Variants in GLT1D1 observed in about 807,000 individuals in gnomAD.
GLT1D1 encodes the protein glycosyltransferase 1 domain-containing protein 1.
A neutral mutation model predicts 28.7 loss-of-function variants in GLT1D1; 21 were observed. The ratio of observed to expected loss-of-function variants is 0.73; its 90% CI spans 0.52 to 1.05. GLT1D1 has a LOEUF of 1.05. GLT1D1 is among the 50% of genes least tolerant of loss of function. GLT1D1 has a pLI of 0.00. For synonymous variants in GLT1D1, 147 were observed against 124.8 expected (o/e 1.18, Z -1.19); for missense variants, 343 against 330.6 (o/e 1.04, Z -0.29).
At chr12:128,941,638 T>C (rs919381945) in intron 4 of GLT1D1, among the ~76,000 whole-genome samples, 1 of 143,066 alleles carries the variant, frequency 7.0e-6, no homozygotes, top group Admixed American at 7.1e-5. Flanking sequence ...AATGCGGTCA[T>C]CTCGGCTCAC....
chr12:128,946,498 C>T (rs1045642685), intron 5 of GLT1D1, among the ~76,000 whole-genome samples: 6 of 151,904 alleles, frequency 3.9e-5, no homozygotes, highest in African/African-American at 7.3e-5. Flanking sequence ...AGGCACCCGC[C>T]GCTGCGCCCG....
chr12:128,869,326 C>T (rs1469649825), intron 1 of GLT1D1, among the ~76,000 whole-genome samples: 3 of 152,104 alleles, frequency 2.0e-5, no homozygotes, highest in South Asian at 4.1e-4. Flanking sequence ...TGAACCACCA[C>T]GCCTGGCTAC....
At position 128,866,765 on chromosome 12, in the gene GLT1D1, C is replaced by T. The variant is rs538971610; in HGVS notation, c.69-9149C>T. Among the ~76,000 whole-genome samples the T allele has an allele frequency of 2.6e-5, 4 of 152,174 alleles. No homozygotes were observed. The South Asian group carries it at 6.2e-4, about 24-fold the overall frequency. On this transcript the variant is annotated intron_variant, in intron 1 of 7. Coordinates refer to ENST00000281703, the MANE Select transcript of GLT1D1 (RefSeq NM_144669.3). ...CCTCCTGTGTAGCAGAAATTACAGG[C>T]GTGCGCCACCACACCTGGCTAATTC...
chr12:128,980,947 A>C (rs1254796761), intron 7 of GLT1D1, among the ~76,000 whole-genome samples: 7 of 152,212 alleles, frequency 4.6e-5, no homozygotes, highest in African/African-American at 1.7e-4. Flanking sequence ...GCTGGTAAGC[A>C]CACGACAGTC....
At position 128,968,152 on chromosome 12, in the gene GLT1D1, C is replaced by A. The variant is rs146418393; in HGVS notation, c.639+10509C>A. ...CTAGGACTGCAGGCGCCTGCCACCACACCTGGCTAATTTTTTGTATTTTCA... is the reference window on the plus strand; with the variant it reads ...CTAGGACTGCAGGCGCCTGCCACCAAACCTGGCTAATTTTTTGTATTTTCA... On this transcript the variant is annotated intron_variant, in intron 7 of 7. Transcript: ENST00000281703. Among the ~76,000 whole-genome samples, 485 of 152,110 alleles carry A rather than the reference C, an allele frequency of 3.2e-3. 2 individuals are homozygous for A. The highest frequency in any genetic ancestry group is 0.011 in the African/African-American group (469 of 41,522).
chr12:128,946,821 G>A (rs1876165813), intron 5 of GLT1D1, among the ~76,000 whole-genome samples: 1 of 151,162 alleles, frequency 6.6e-6, no homozygotes, highest in Non-Finnish European at 1.5e-5. Flanking sequence ...GCTAATATTT[G>A]TATTTTTAGT....
chr12:128,932,352 C>A (rs752366564), intron 4 of GLT1D1, among the ~76,000 whole-genome samples: 7 of 152,176 alleles, frequency 4.6e-5, no homozygotes, highest in Non-Finnish European at 7.3e-5. Context: ...TCTGGAGCTG[C>A]ACGTCCAGCC....
At position 128,945,326 on chromosome 12, in the gene GLT1D1, G is replaced by A. The variant is rs200624626; in HGVS notation, c.376G>A (p.Val126Ile). Reference sequence around the variant, plus strand: ...GACATTTATCTTTGTCTCTTTTCAGGTCGATCCAGTGTTTACAAGGGAAGT... The same window carrying A: ...GACATTTATCTTTGTCTCTTTTCAGATCGATCCAGTGTTTACAAGGGAAGT... The change falls in exon 5 of 8, where the codon GTC (valine) becomes ATC (isoleucine). Residue 126 changes from valine to isoleucine, a missense_variant and splice_region_variant. Transcript: ENST00000281703. 4.3e-6 allele frequency: 7 copies of A among 1,614,118 alleles called. No homozygotes were observed. Among genetic ancestry groups the A allele is most frequent in the African/African-American group, 1.3e-5 (1 of 75,068 alleles).
In GLT1D1 at chr12:128,951,125, G is replaced by C. The variant is rs185210536; in HGVS notation, c.540+3667G>C. Among the ~76,000 whole-genome samples, 63 of 152,224 alleles carry C rather than the reference G, an allele frequency of 4.1e-4. 1 individual carries two copies. Among genetic ancestry groups the C allele is most frequent in the Admixed American group, 4.1e-3 (63 of 15,292 alleles). The stretch of plus-strand genomic sequence containing the variant: ...TGTATCGAAACATCATGTTGTGGCC[G>C]GGCGCGGTGGCTCACGTCTATAATC... On this transcript the variant is annotated intron_variant, in intron 6 of 7. Transcript: ENST00000281703.
At chr12:128,894,702 T>C (rs1162919515) in intron 3 of GLT1D1, among the ~76,000 whole-genome samples, 1 of 151,430 alleles carries the variant, frequency 6.6e-6, no homozygotes, top group African/African-American at 2.4e-5. Flanking sequence ...AAAAAAAAAT[T>C]AGCCGAGCAT....
At chr12:128,940,512 G>A (rs1361956313) in intron 4 of GLT1D1, among the ~76,000 whole-genome samples, 1 of 152,190 alleles carries the variant, frequency 6.6e-6, no homozygotes, top group Non-Finnish European at 1.5e-5. Context: ...TGTATCCGGA[G>A]TCCCCTCAGT....
At chr12:128,916,305 G>A (rs749093899) in intron 4 of GLT1D1, among the ~76,000 whole-genome samples, 30 of 151,980 alleles carry the variant, frequency 2.0e-4, no homozygotes, top group South Asian at 4.1e-4. Context: ...ATTTTTAACC[G>A]TTACAAATAC....
At chr12:128,922,983 A>G (rs1053501269) in intron 4 of GLT1D1, among the ~76,000 whole-genome samples, 2 of 151,936 alleles carry the variant, frequency 1.3e-5, no homozygotes, top group South Asian at 4.2e-4. Flanking sequence ...TACATATTCA[A>G]TGAAAATTGA....
At chr12:128,945,265 G>T in intron 4 of GLT1D1, 61 bp from the exon 9 acceptor site, 10 of 1,562,794 alleles carry the variant, frequency 6.4e-6, no homozygotes, top group Non-Finnish European at 8.8e-6. Context: ...GCCCGTGCTG[G>T]CCGGCTGGCA....
intron 1 of GLT1D1, among the ~76,000 whole-genome samples, chr12:128,861,666 A>G (rs1956376779): frequency 6.6e-6 from 1 of 152,180 alleles, no homozygotes; most frequent in South Asian, 2.1e-4. Context: ...CGGAGAGTGC[A>G]AAGGTGTGTT....
intron 7 of GLT1D1, among the ~76,000 whole-genome samples, chr12:128,965,800 C>T (rs558841289): frequency 2.1e-4 from 32 of 150,246 alleles, no homozygotes; most frequent in Middle Eastern, 3.5e-3. Flanking sequence ...GAGGCTGAGG[C>T]GGGAGGACCG....
intron 4 of GLT1D1, among the ~76,000 whole-genome samples, chr12:128,931,363 A>G (rs1343547953): frequency 6.8e-6 from 1 of 146,210 alleles, no homozygotes. Flanking sequence ...GCTGGAGTGC[A>G]GTGGTGCGAT....
intron 4 of GLT1D1, among the ~76,000 whole-genome samples, chr12:128,942,816 T>A (rs1417248103): frequency 6.7e-6 from 1 of 149,244 alleles, no homozygotes; most frequent in Non-Finnish European, 1.5e-5. Flanking sequence ...GGTGGCACGA[T>A]CTAGGCTCAC....
chr12:128,975,455 T>A (rs1374703305), intron 7 of GLT1D1, among the ~76,000 whole-genome samples: 1 of 136,400 alleles, frequency 7.3e-6, no homozygotes, highest in Non-Finnish European at 1.6e-5. Flanking sequence ...TTTTGTTTTT[T>A]ATTTTTTTCT....
Sources: gnomAD v4.1 joint callset for allele counts (sites outside exome capture counted in the v4.1 genomes callset) on GRCh38, gnomAD v4.1.1 for gene constraint, MANE v1.5 for transcripts, NCBI Gene and HGNC (gene_info 2026-07-23, HGNC 2026-07-21) for gene names.